Variants in OTUD7A observed in about 807,000 individuals in gnomAD.
The protein encoded by OTUD7A is OTU deubiquitinase 7A.
In OTUD7A, 12 loss-of-function variants were observed where a neutral mutation model predicts 65.7. The ratio of observed to expected loss-of-function variants is 0.18; its 90% confidence interval spans 0.12 to 0.30. OTUD7A has a LOEUF of 0.30. Ranked by LOEUF, OTUD7A falls within the 10% of genes least tolerant of loss-of-function variation. The pLI is 1.00. For synonymous variants in OTUD7A, 641 were observed against 586.3 expected (o/e 1.09, Z -1.35); for missense variants, 1,148 against 1,304.8 (o/e 0.88, Z 1.85).
chr15:31,686,042 G>C (rs774630127), intron 1 of OTUD7A, among the ~76,000 whole-genome samples: 4 of 152,342 alleles, frequency 2.6e-5, no homozygotes, highest in Non-Finnish European at 4.4e-5. Flanking sequence ...CTCAGCACCA[G>C]GGCTTTGAAG....
chr15:31,861,446 G>T (rs1001550056), intron 1 of OTUD7A, among the ~76,000 whole-genome samples: 53 of 152,158 alleles, frequency 3.5e-4, no homozygotes, highest in Non-Finnish European at 3.4e-4. Flanking sequence ...CTTTTCTGAT[G>T]ATGCATTTCT....
intron 1 of OTUD7A, among the ~76,000 whole-genome samples, chr15:31,751,912 G>C (rs1475498922): frequency 6.6e-6 from 1 of 152,050 alleles, no homozygotes; most frequent in African/African-American, 2.4e-5. Context: ...AGGAGAGAGG[G>C]GGGCAAGGGC....
At chr15:31,696,672 C>T (rs1240157434) in intron 1 of OTUD7A, among the ~76,000 whole-genome samples, 5 of 151,512 alleles carry the variant, frequency 3.3e-5, no homozygotes, top group Non-Finnish European at 5.9e-5. Context: ...TCAGACCCAA[C>T]GGCTGCTGGT....
Position 31,480,970 on chromosome 15 carries a change from GGGT to G in OTUD7A, c.*2321_*2323del, listed in dbSNP as rs1486040938. ...GGGTGGAGGTAACTTGGAAATGCAA[GGGT>G]AGAATAGGTCCTGGTGTTTTGATAA... is the stretch of plus-strand genomic sequence containing the variant. On this transcript the variant is annotated 3_prime_UTR_variant, in exon 13 of 13. Transcript: ENST00000307050. 1 of 152,248 alleles carries G rather than the reference GGGT, an allele frequency of 6.6e-6. No individual in the cohort carries two copies. The highest frequency in any genetic ancestry group is 6.5e-5 in the Admixed American group (1 of 15,292). 9.4% of individuals were successfully genotyped at this position (152,248 alleles called of 1,614,324 possible). A position where few individuals can be genotyped will look rare whatever the true frequency, so the allele number is the denominator to read the frequency against.
intron 4 of OTUD7A, among the ~76,000 whole-genome samples, chr15:31,561,489 G>A (rs1206472311): frequency 3.3e-5 from 5 of 152,180 alleles, no homozygotes; most frequent in African/African-American, 1.2e-4. Context: ...GCTCTCAACA[G>A]TGGGCACCTG....
chr15:31,622,527 C>T (rs1177687095), intron 3 of OTUD7A, among the ~76,000 whole-genome samples: 1 of 152,186 alleles, frequency 6.6e-6, no homozygotes, highest in Non-Finnish European at 1.5e-5. Flanking sequence ...TCTTCAATCA[C>T]TGATACCCTT....
At chr15:31,759,626 CG>C (rs1345973571) in intron 1 of OTUD7A, among the ~76,000 whole-genome samples, 3 of 152,156 alleles carry the variant, frequency 2.0e-5, no homozygotes, top group Non-Finnish European at 4.4e-5. Flanking sequence ...CTCTGCCTCC[CG>C]GGTTCAAGCA....
chr15:31,683,913 G>A (rs1285406404), intron 1 of OTUD7A, among the ~76,000 whole-genome samples: 4 of 152,168 alleles, frequency 2.6e-5, no homozygotes, highest in African/African-American at 4.8e-5. Context: ...GAAAGAAACT[G>A]CATTCTTAAG....
intron 1 of OTUD7A, among the ~76,000 whole-genome samples, chr15:31,773,086 A>C (rs1398489752): frequency 9.9e-5 from 15 of 152,238 alleles, no homozygotes; most frequent in Non-Finnish European, 2.2e-4. Context: ...GTATATATGA[A>C]TATAAATTCT....
At chr15:31,840,480 G>T (rs1012509861) in intron 1 of OTUD7A, among the ~76,000 whole-genome samples, 31 of 152,034 alleles carry the variant, frequency 2.0e-4, no homozygotes, top group Admixed American at 2.6e-4. Flanking sequence ...TAAAATTGAA[G>T]CTTAAAGCTC....
At chr15:31,703,247 A>C (rs1397838680) in intron 1 of OTUD7A, among the ~76,000 whole-genome samples, 1 of 152,328 alleles carries the variant, frequency 6.6e-6, no homozygotes, top group Admixed American at 6.5e-5. Context: ...CCATAAAAGT[A>C]AAAATTGATA....
chr15:31,653,186 C>T (rs1384108332), intron 3 of OTUD7A, among the ~76,000 whole-genome samples: 2 of 151,050 alleles, frequency 1.3e-5, no homozygotes, highest in African/African-American at 2.4e-5. Flanking sequence ...ACCCAGGAGG[C>T]GGAGGTTGCA....
chr15:31,577,249 G>T (rs1211538972), intron 3 of OTUD7A, among the ~76,000 whole-genome samples: 1 of 152,144 alleles, frequency 6.6e-6, no homozygotes, highest in African/African-American at 2.4e-5. Context: ...AGTCTGACAC[G>T]TTGTAAGGTC....
At chr15:31,837,974 T>C (rs1238902488) in intron 1 of OTUD7A, among the ~76,000 whole-genome samples, 1 of 152,306 alleles carries the variant, frequency 6.6e-6, no homozygotes, top group East Asian at 1.9e-4. Context: ...AATAGATCCA[T>C]ACAAGTACAG....
chr15:31,810,652 G>A (rs1278914258), intron 1 of OTUD7A, among the ~76,000 whole-genome samples: 5 of 152,204 alleles, frequency 3.3e-5, no homozygotes, highest in African/African-American at 4.8e-5. Flanking sequence ...AAGCCACCCA[G>A]TCTGTGGTAT....
intron 3 of OTUD7A, among the ~76,000 whole-genome samples, chr15:31,575,756 C>G (rs570392609): frequency 7.2e-5 from 11 of 152,338 alleles, no homozygotes; most frequent in African/African-American, 2.6e-4. Context: ...ATGGCAAGAA[C>G]TAGCCACAGG....
chr15:31,825,085 C>T (rs1896766657), intron 1 of OTUD7A, among the ~76,000 whole-genome samples: 1 of 152,224 alleles, frequency 6.6e-6, no homozygotes, highest in Admixed American at 6.5e-5. Flanking sequence ...GTGATTCTAC[C>T]TACCTATGTT....
intron 3 of OTUD7A, among the ~76,000 whole-genome samples, chr15:31,577,609 G>A (rs1172780080): frequency 6.6e-6 from 1 of 151,980 alleles, no homozygotes; most frequent in Non-Finnish European, 1.5e-5. Context: ...TGATCACCTT[G>A]GGCGCTTGTT....
At chr15:31,773,824 A>C (rs1895301031) in intron 1 of OTUD7A, among the ~76,000 whole-genome samples, 1 of 152,230 alleles carries the variant, frequency 6.6e-6, no homozygotes, top group Non-Finnish European at 1.5e-5. Context: ...TCCACTCCTC[A>C]AAACATTTTA....
Sources: allele counts gnomAD v4.1 joint callset (sites outside exome capture counted in the v4.1 genomes callset), GRCh38; gene constraint gnomAD v4.1.1; transcripts MANE v1.5; gene names NCBI Gene and HGNC (gene_info 2026-07-23, HGNC 2026-07-21).